Variants in TMEM232 observed in about 807,000 individuals in gnomAD.
TMEM232 encodes the protein transmembrane protein 232.
In TMEM232, 80 loss-of-function variants were observed where a neutral mutation model predicts 78.8. The ratio of observed to expected loss-of-function variants is 1.01; its 90% CI spans 0.85 to 1.22. TMEM232 has a LOEUF of 1.22. TMEM232 is among the 50% of genes most tolerant of loss of function. The pLI is 0.00. For synonymous variants in TMEM232, 297 were observed against 254.3 expected, an observed-to-expected ratio of 1.17 and a Z score of -1.60; for missense variants, 881 against 742.2, an observed-to-expected ratio of 1.19 and a Z score of -2.17.
chr5:110,737,136 T>A (rs1799261438), intron 1 of TMEM232, among the ~76,000 whole-genome samples: 1 of 152,132 alleles, frequency 6.6e-6, no homozygotes. Flanking sequence ...AGAATGTCAG[T>A]TCTAACAATG....
At chr5:110,678,509 A>G (rs974781325) in intron 1 of TMEM232, among the ~76,000 whole-genome samples, 3 of 152,170 alleles carry the variant, frequency 2.0e-5, no homozygotes, top group Non-Finnish European at 4.4e-5. Context: ...ATAATTGGTA[A>G]ATCTACATCA....
intron 7 of TMEM232, among the ~76,000 whole-genome samples, chr5:110,619,086 G>A (rs1783314325): frequency 6.6e-6 from 1 of 152,102 alleles, no homozygotes; most frequent in Non-Finnish European, 1.5e-5. Flanking sequence ...TCCTTAGAGT[G>A]CTTCCCAACA....
intron 4 of TMEM232, among the ~76,000 whole-genome samples, chr5:110,388,902 A>G (rs534266305): frequency 1.3e-5 from 2 of 152,316 alleles, no homozygotes; most frequent in South Asian, 4.1e-4. Context: ...GGGTACTTTC[A>G]TGTGAGTTAG....
chr5:110,551,258 C>G (rs187376034), intron 11 of TMEM232, among the ~76,000 whole-genome samples: 1 of 152,264 alleles, frequency 6.6e-6, no homozygotes, highest in African/African-American at 2.4e-5. Context: ...GTGTCTCACT[C>G]TGTTGGCCAG....
chr5:110,661,561 C>A (rs1789802029), intron 2 of TMEM232, among the ~76,000 whole-genome samples: 1 of 152,156 alleles, frequency 6.6e-6, no homozygotes, highest in Non-Finnish European at 1.5e-5. Context: ...ATCCACTCAA[C>A]TGGGCCTCCC....
chr5:110,635,919 T>C (rs1785754303), intron 5 of TMEM232, among the ~76,000 whole-genome samples: 1 of 151,942 alleles, frequency 6.6e-6, no homozygotes, highest in Non-Finnish European at 1.5e-5. Context: ...ATTTATCTTT[T>C]AGGAAGATAA....
At chr5:110,680,506 G>A (rs974872639) in intron 1 of TMEM232, among the ~76,000 whole-genome samples, 4 of 151,706 alleles carry the variant, frequency 2.6e-5, no homozygotes, top group Non-Finnish European at 4.4e-5. Flanking sequence ...CAGAGATGTA[G>A]GAAGTAGAAT....
chr5:110,544,145 T>C (rs1182706021), intron 11 of TMEM232, among the ~76,000 whole-genome samples: 2 of 152,200 alleles, frequency 1.3e-5, no homozygotes, highest in Non-Finnish European at 2.9e-5. Context: ...ATGAAGATTA[T>C]AAAAATTCAG....
intron 12 of TMEM232, among the ~76,000 whole-genome samples, chr5:110,483,499 A>T (rs1764120894): frequency 6.6e-6 from 1 of 152,120 alleles, no homozygotes; most frequent in South Asian, 2.1e-4. Flanking sequence ...TATCACAAGG[A>T]CAAAAAACCA....
intron 10 of TMEM232, among the ~76,000 whole-genome samples, chr5:110,572,741 A>G (rs181801804): frequency 2.2e-4 from 33 of 152,194 alleles, no homozygotes; most frequent in Admixed American, 3.3e-4. Flanking sequence ...TTTAAACTCA[A>G]TTGAAGTGCT....
At chr5:110,604,334 G>A (rs1486604319) in intron 10 of TMEM232, among the ~76,000 whole-genome samples, 3 of 151,982 alleles carry the variant, frequency 2.0e-5, no homozygotes. Context: ...AAATACAGTA[G>A]CAAAATGACC....
At chr5:110,509,522 A>G (rs1039655239) in intron 12 of TMEM232, among the ~76,000 whole-genome samples, 1 of 152,192 alleles carries the variant, frequency 6.6e-6, no homozygotes, top group African/African-American at 2.4e-5. Flanking sequence ...TTTGCTTCTA[A>G]GTAATAATCT....
At chr5:110,464,250 GATATTTA>G (rs1761839741) in intron 12 of TMEM232, among the ~76,000 whole-genome samples, 1 of 152,090 alleles carries the variant, frequency 6.6e-6, no homozygotes, top group South Asian at 2.1e-4. Flanking sequence ...AAAAATTGTA[GATATTTA>G]ATATTTATCA....
At chr5:110,417,898 T>C (rs936548376), downstream of TMEM232, 6 of 152,162 alleles carry the variant, frequency 3.9e-5, no homozygotes, top group African/African-American at 1.4e-4. Context: ...TTTCTGATAG[T>C]GTGGTTTCAG....
chr5:110,571,896 G>A (rs73222679), intron 10 of TMEM232, among the ~76,000 whole-genome samples: 2,854 of 151,966 alleles, frequency 0.019, 106 homozygotes, highest in African/African-American at 0.065. Flanking sequence ...AGGGAGTAAC[G>A]TTATGTCTGC....
intron 2 of TMEM232, among the ~76,000 whole-genome samples, chr5:110,650,869 T>G (rs755684418): frequency 3.9e-5 from 6 of 152,176 alleles, no homozygotes; most frequent in Non-Finnish European, 7.4e-5. Context: ...TGTATCATAC[T>G]AATGTAGGAT....
At chr5:110,568,416 T>C (rs1357392923) in intron 11 of TMEM232, 31 bp downstream of exon 11, 8 of 1,498,946 alleles carry the variant, frequency 5.3e-6, no homozygotes, top group Non-Finnish European at 3.6e-6. Context: ...ATGATAGATG[T>C]ACATATTTAT....
chr5:110,491,159 A>G (rs1479093074), intron 12 of TMEM232, among the ~76,000 whole-genome samples: 1 of 151,048 alleles, frequency 6.6e-6, no homozygotes, highest in Non-Finnish European at 1.5e-5. Flanking sequence ...AAAAGTGGAC[A>G]AAGGATTTAA....
In TMEM232 at chr5:110,587,987, T is replaced by A. The variant is rs547238185; in HGVS notation, c.1276+17122A>T. ...TTTAAAGAGTAAAATATTTTCCATGTATAAAAACCACAACCTTATTACTGA... is the reference window on the plus strand; with the variant it reads ...TTTAAAGAGTAAAATATTTTCCATGAATAAAAACCACAACCTTATTACTGA... On this transcript the variant is annotated intron_variant, in intron 10 of 13. Coordinates refer to ENST00000455884, the MANE Select transcript of TMEM232 (RefSeq NM_001039763.4). Among the ~76,000 whole-genome samples the A allele has an allele frequency of 3.3e-5, 5 of 151,950 alleles. No individual in the cohort carries two copies. The East Asian group carries it at 9.7e-4, about 29-fold the overall frequency.
Sources: gnomAD v4.1 joint callset for allele counts (sites outside exome capture counted in the v4.1 genomes callset) on GRCh38, gnomAD v4.1.1 for gene constraint, MANE v1.5 for transcripts, NCBI Gene and HGNC (gene_info 2026-07-23, HGNC 2026-07-21) for gene names.